The following NUMA1 variants were observed in gnomAD, a reference collection of about 807,000 sequenced individuals.
NUMA1 encodes nuclear mitotic apparatus protein 1.
A neutral mutation model predicts 237.1 loss-of-function variants in NUMA1; 62 were observed. The ratio of observed to expected loss-of-function variants is 0.26; its 90% CI spans 0.21 to 0.32. NUMA1 has a LOEUF of 0.32. Among genes scored for constraint, NUMA1 ranks in the 10% least tolerant of loss-of-function variants. NUMA1 has a pLI of 1.00. For synonymous variants in NUMA1, 1,028 were observed against 1,066.1 expected (o/e 0.96, Z 0.70); for missense variants, 2,533 against 2,666.5 (o/e 0.95, Z 1.10).
chr11:72,032,622 C>T (rs1430190498), intron 3 of NUMA1, among the ~76,000 whole-genome samples: 1 of 152,144 alleles, frequency 6.6e-6, no homozygotes, highest in Non-Finnish European at 1.5e-5. Flanking sequence ...TATTTTTGCT[C>T]TCAAGTGAGA....
chr11:72,077,813 CA>C (rs374544097), intron 1 of NUMA1, among the ~76,000 whole-genome samples: 5 of 26,822 alleles, frequency 1.9e-4, no homozygotes, highest in African/African-American at 4.2e-4. Flanking sequence ...GACTCCATCT[CA>C]AAAAAAAAAA....
chr11:72,075,521 C>G (rs1221377833), intron 1 of NUMA1, among the ~76,000 whole-genome samples: 3 of 152,210 alleles, frequency 2.0e-5, no homozygotes, highest in East Asian at 1.9e-4. Context: ...CCAGCAGCAC[C>G]AGGTAACACC....
intron 17 of NUMA1, among the ~76,000 whole-genome samples, chr11:72,010,036 G>A (rs780554880): frequency 4.6e-5 from 7 of 152,216 alleles, no homozygotes; most frequent in Non-Finnish European, 8.8e-5. Flanking sequence ...GTAGATAGAA[G>A]CATCCCCCCT....
intron 16 of NUMA1, 179 bp downstream of exon 16, chr11:72,012,222 G>T (rs749786860): frequency 1.6e-6 from 1 of 615,212 alleles, no homozygotes; most frequent in South Asian, 2.1e-5. Flanking sequence ...GATGAGGCCT[G>T]AGAGAGCCCA....
At chr11:72,046,586 G>A (rs1017355063) in intron 2 of NUMA1, among the ~76,000 whole-genome samples, 8 of 151,588 alleles carry the variant, frequency 5.3e-5, no homozygotes, top group African/African-American at 4.8e-5. Context: ...GGTGGAGAGC[G>A]GGGAGAGGGA....
At position 72,013,236 on chromosome 11, in the gene NUMA1, C is replaced by T. The variant is rs1416478637; in HGVS notation, c.4267G>A (p.Ala1423Thr). Reference sequence around the variant, plus strand: ...GCCTTCTCTGCCCGCAGCTGCTGAGCTGTTCGCTCCTGCTCTGCCACCTTC... The same window carrying T: ...GCCTTCTCTGCCCGCAGCTGCTGAGTTGTTCGCTCCTGCTCTGCCACCTTC... ...RQKVAEQERTAQQLRAEKASY... is the reference protein window; with the variant it reads ...RQKVAEQERTTQQLRAEKASY... Residue 1423 changes from alanine (A) to threonine (T), a missense_variant, in exon 15 of 27, where the codon GCT (alanine) becomes ACT (threonine). Transcript: ENST00000393695. This position sits in a 1 kb window ranked among gnomAD's most constrained non-coding sequence, Gnocchi z 6.8. 1 of 1,606,960 alleles carries T rather than the reference C, an allele frequency of 6.2e-7. No individual in the cohort carries two copies. Among genetic ancestry groups the T allele is most frequent in the Non-Finnish European group, 8.5e-7 (1 of 1,179,926 alleles).
At chr11:72,064,777 G>A (rs1282645268) in intron 2 of NUMA1, among the ~76,000 whole-genome samples, 1 of 152,196 alleles carries the variant, frequency 6.6e-6, no homozygotes, top group Non-Finnish European at 1.5e-5. Context: ...AGGCTGCAGT[G>A]AGCTGTGATC....
intron 2 of NUMA1, among the ~76,000 whole-genome samples, chr11:72,056,635 T>TAAAAAAAAA (rs59248999): frequency 0.054 from 4,057 of 75,018 alleles, 347 homozygotes; most frequent in Non-Finnish European, 0.073. Context: ...CCCATCTCTT[T>TAAAAAAAAA]AAAAAAAAAA....
intron 8 of NUMA1, chr11:72,020,308 T>C (rs1938586275): frequency 6.6e-6 from 1 of 152,202 alleles, no homozygotes; most frequent in Non-Finnish European, 1.5e-5. Context: ...CTCACATTTC[T>C]AACATCTCCA....
rs766408761 is a variant in NUMA1 at position 72,007,326 on chromosome 11, T to G, written c.5326A>C (p.Thr1776Pro). Reference protein sequence around the residue: ...KVESLESLYFTPIPARSQAPL... With the variant: ...KVESLESLYFPPIPARSQAPL... Reference sequence around the variant, plus strand: ...GCCTGACTCCGAGCAGGGATGGGAGTGAAGTAGAGACTCTCCAGGGATTCT... The same window carrying G: ...GCCTGACTCCGAGCAGGGATGGGAGGGAAGTAGAGACTCTCCAGGGATTCT... Residue 1776 changes from threonine to proline, a missense_variant, in exon 21 of 27, where the codon ACT becomes CCT. Thr to Pro is a conservative substitution (Grantham distance 38, BLOSUM62 -1). Transcript: ENST00000393695. The G allele has an allele frequency of 6.2e-7, 1 of 1,612,660 alleles. No individual in the cohort carries two copies. Among genetic ancestry groups the G allele is most frequent in the Non-Finnish European group, 8.5e-7 (1 of 1,179,638 alleles).
intron 20 of NUMA1, 48 bp from the exon 21 acceptor site, chr11:72,007,483 A>AT (rs142924918): frequency 6.2e-7 from 1 of 1,602,298 alleles, no homozygotes. Context: ...GCTAGAAGGC[A>AT]TTTTGTCCAG....
rs1234882258 is a variant in NUMA1, at chr11:72,013,228, C to A, written c.4275G>T (p.Gln1425His). The A allele has an allele frequency of 6.2e-7, 1 of 1,608,178 alleles. No homozygotes were observed. The highest frequency in any genetic ancestry group is 8.5e-7 in the Non-Finnish European group (1 of 1,179,974). The part of the protein sequence containing the change: ...KVAEQERTAQ[Q>H]LRAEKASYAE... ...CATAGCTGGCCTTCTCTGCCCGCAG[C>A]TGCTGAGCTGTTCGCTCCTGCTCTG... Residue 1425 changes from glutamine to histidine, a missense_variant, in exon 15 of 27, where the codon CAG (glutamine) becomes CAT (histidine). Transcript: ENST00000393695. The surrounding 1 kb of genome is among the most constrained non-coding windows in gnomAD (Gnocchi z 6.8).
At chr11:72,032,835 A>T (rs1347383126) in intron 3 of NUMA1, among the ~76,000 whole-genome samples, 3 of 152,236 alleles carry the variant, frequency 2.0e-5, no homozygotes, top group Non-Finnish European at 4.4e-5. Context: ...TCAAGCTATA[A>T]TTTAAGTATT....
Position 72,014,406 on chromosome 11 carries a change from G to A in NUMA1, c.3097C>T (p.Arg1033Trp), listed in dbSNP as rs370339752. 1.0e-4 allele frequency: 161 copies of A among 1,610,332 alleles called. No individual in the cohort carries two copies. The highest frequency in any genetic ancestry group is 4.2e-4 in the Admixed American group (25 of 60,014). ...EKAARAELEM[R>W]LQNALNEQRV... is the part of the protein sequence containing the mutation. ...TGCTCGTTGAGGGCGTTCTGCAGCC[G>A]CATCTCAAGCTCTGCTCTGGCCGCC... is the stretch of plus-strand genomic sequence containing the variant. Residue 1033 changes from arginine to tryptophan, a missense_variant, in exon 15 of 27, where the codon CGG becomes TGG. By Grantham distance (101) the Arg-to-Trp change is moderately radical. Coordinates refer to ENST00000393695, the MANE Select transcript of NUMA1 (RefSeq NM_006185.4). The surrounding 1 kb of genome is among the most constrained non-coding windows in gnomAD (Gnocchi z 4.6).
chr11:72,015,274 G>C lies in NUMA1; in HGVS notation c.2229C>G (p.Thr743=). The change falls in exon 15 of 27, where the codon ACC becomes ACG. Residue 743 remains threonine (T), a synonymous_variant. Transcript: ENST00000393695. This position sits in a 1 kb window ranked among gnomAD's most constrained non-coding sequence, Gnocchi z 4.0. ...GCTTATGCTGCTCCACCAGGCTTCG[G>C]GTCTCTGCCTTCAGCTCAGAGATAC... is the stretch of plus-strand genomic sequence containing the variant. ...QRCISELKAE[T]RSLVEQHKRE... 1.9e-6 allele frequency: 3 copies of C among 1,613,600 alleles called. No individual in the cohort carries two copies. The highest frequency in any genetic ancestry group is 1.7e-6 in the Non-Finnish European group (2 of 1,180,028).
At chr11:72,031,895 CGAG>C (rs1186515700) in intron 3 of NUMA1, among the ~76,000 whole-genome samples, 1 of 145,904 alleles carries the variant, frequency 6.9e-6, no homozygotes, top group Non-Finnish European at 1.5e-5. Flanking sequence ...TTTGGGAGGA[CGAG>C]GAGGGAGAAT....
rs370693844 is a variant in NUMA1, at chr11:72,018,275, G to C, written c.886C>G (p.Leu296Val). The change falls in exon 12 of 27, where the codon CTG becomes GTG. Residue 296 changes from leucine to valine, a missense_variant. This residue lies in a region of NUMA1 where 1,414 missense variants were observed against 1,508.1 expected (regional missense o/e 0.94). Coordinates refer to ENST00000393695, the MANE Select transcript of NUMA1 (RefSeq NM_006185.4). ...GTCTTCAGGTCCTGGCACTGCTTCA[G>C]GGTTTCATGCAGCCGCATGGTAAGG... ...ESLTMRLHET[L>V]KQCQDLKTEK... The C allele has an allele frequency of 1.6e-4, 255 of 1,614,048 alleles. No individual in the cohort carries two copies. The highest frequency in any genetic ancestry group is 2.0e-4 in the Non-Finnish European group (241 of 1,180,000).
intron 2 of NUMA1, among the ~76,000 whole-genome samples, chr11:72,064,476 A>G (rs1943112453): frequency 6.6e-6 from 1 of 151,920 alleles, no homozygotes; most frequent in South Asian, 2.1e-4. Flanking sequence ...TCTGGGGAAA[A>G]AAAAAAAAGT....
In NUMA1 at chr11:72,009,083, G is replaced by C; in HGVS notation, c.4942C>G (p.Leu1648Val). The change falls in exon 19 of 27, where the codon CTG becomes GTG. Residue 1648 changes from leucine (L) to valine (V), a missense_variant. Coordinates refer to ENST00000393695, the MANE Select transcript of NUMA1 (RefSeq NM_006185.4). ...LEQLQKENKE[L>V]RAEAERLGHE... ...CCCAGCCGTTCAGCTTCAGCTCGCA[G>C]CTCTTTGTTTTCCTTCTGCAGCTGC... The C allele has an allele frequency of 6.2e-7, 1 of 1,613,562 alleles. No individual in the cohort carries two copies. The highest frequency in any genetic ancestry group is 8.5e-7 in the Non-Finnish European group (1 of 1,180,008).
Sources: gnomAD v4.1 joint callset for allele counts (sites outside exome capture counted in the v4.1 genomes callset) on GRCh38, gnomAD v4.1.1 for gene constraint, gnomAD v4.1.1 regional missense constraint, Gnocchi (gnomAD v3.1) non-coding constraint, MANE v1.5 for transcripts, NCBI Gene and HGNC (gene_info 2026-07-23, HGNC 2026-07-21) for gene names.